Variants in ASCC3 observed in about 807,000 individuals in gnomAD.
ASCC3 encodes activating signal cointegrator 1 complex subunit 3, also known as ASC-1 complex subunit P200.
Under a neutral mutation model 256.3 loss-of-function variants are expected in ASCC3, and 158 were observed. The observed-to-expected ratio is 0.62, with a 90% confidence interval of 0.54 to 0.70. The LOEUF is 0.70. Ranked by LOEUF, ASCC3 falls within the 30% of genes least tolerant of loss-of-function variation. ASCC3 has a pLI of 0.00. For missense variants in ASCC3, 2,259 were observed against 2,626.0 expected (o/e 0.86, Z 3.05); for synonymous variants, 948 against 883.4 (o/e 1.07, Z -1.30).
intron 27 of ASCC3, 78 bp downstream of exon 27, chr6:100,628,936 AT>A: frequency 8.0e-7 from 1 of 1,247,198 alleles, no homozygotes; most frequent in Non-Finnish European, 1.1e-6. Flanking sequence ...TAAATATTAC[AT>A]GCAAATTAAA....
At chr6:100,525,081 G>A (rs1582387189) in intron 37 of ASCC3, among the ~76,000 whole-genome samples, 1 of 143,324 alleles carries the variant, frequency 7.0e-6, no homozygotes, top group Non-Finnish European at 1.5e-5. Flanking sequence ...TGGAGCCTGA[G>A]GTGGAAGGAT....
chr6:100,526,014 A>G (rs1469491521), intron 37 of ASCC3, among the ~76,000 whole-genome samples: 2 of 152,120 alleles, frequency 1.3e-5, no homozygotes, highest in African/African-American at 4.8e-5. Context: ...TAATGATACA[A>G]TATTTTGTCA....
At chr6:100,869,309 T>C (rs1314744398) in intron 1 of ASCC3, among the ~76,000 whole-genome samples, 1 of 152,232 alleles carries the variant, frequency 6.6e-6, no homozygotes, top group Non-Finnish European at 1.5e-5. Context: ...ATACAGAATG[T>C]CTCAGACTAT....
intron 36 of ASCC3, among the ~76,000 whole-genome samples, chr6:100,552,620 A>G (rs1410049093): frequency 6.6e-6 from 1 of 152,038 alleles, no homozygotes; most frequent in Non-Finnish European, 1.5e-5. Context: ...ACAAAAGTAC[A>G]TCAATGTGTG....
chr6:100,826,800 A>G (rs1771335843), intron 4 of ASCC3, among the ~76,000 whole-genome samples: 1 of 152,198 alleles, frequency 6.6e-6, no homozygotes, highest in South Asian at 2.1e-4. Flanking sequence ...AGGTTTTTTC[A>G]ATCAACTACT....
intron 3 of ASCC3, among the ~76,000 whole-genome samples, chr6:100,860,201 G>A (rs1368474534): frequency 6.6e-6 from 1 of 151,852 alleles, no homozygotes; most frequent in East Asian, 1.9e-4. Context: ...AAAATATACT[G>A]ACAAAGTTTC....
intron 8 of ASCC3, among the ~76,000 whole-genome samples, chr6:100,789,961 G>C (rs1421193488): frequency 6.6e-6 from 1 of 151,886 alleles, no homozygotes; most frequent in African/African-American, 2.4e-5. Context: ...TAACCACTTT[G>C]ATATTTGCAC....
intron 10 of ASCC3, among the ~76,000 whole-genome samples, chr6:100,744,989 T>C (rs1308575483): frequency 6.6e-6 from 1 of 152,022 alleles, no homozygotes; most frequent in African/African-American, 2.4e-5. Context: ...AACAATTGGC[T>C]TTTTTCTGAA....
At chr6:100,584,361 T>C (rs1771515700) in intron 36 of ASCC3, among the ~76,000 whole-genome samples, 1 of 151,750 alleles carries the variant, frequency 6.6e-6, no homozygotes, top group Admixed American at 6.7e-5. Flanking sequence ...TTGTGTCTTT[T>C]GATCTTTGTT....
intron 3 of ASCC3, among the ~76,000 whole-genome samples, chr6:100,849,101 T>TA (rs966587752): frequency 1.5e-4 from 23 of 151,728 alleles, no homozygotes; most frequent in Non-Finnish European, 2.2e-4. Flanking sequence ...TGAGACCTTG[T>TA]AAAAAAAACA....
At chr6:100,850,841 A>G (rs972654418) in intron 3 of ASCC3, among the ~76,000 whole-genome samples, 4 of 152,184 alleles carry the variant, frequency 2.6e-5, no homozygotes, top group Admixed American at 2.6e-4. Context: ...CATTTTACTT[A>G]TAACTTGTAA....
At chr6:100,685,034 C>T (rs1487773019) in intron 13 of ASCC3, among the ~76,000 whole-genome samples, 1 of 151,982 alleles carries the variant, frequency 6.6e-6, no homozygotes, top group African/African-American at 2.4e-5. Flanking sequence ...GTCTCGATCT[C>T]CTGACCTCGT....
chr6:100,655,050 C>T (rs912035253), intron 17 of ASCC3, among the ~76,000 whole-genome samples: 3 of 151,748 alleles, frequency 2.0e-5, no homozygotes, highest in African/African-American at 7.2e-5. Context: ...TTTCATTAGA[C>T]AACAACTGGA....
At chr6:100,590,369 C>T (rs556079110) in intron 34 of ASCC3, among the ~76,000 whole-genome samples, 2 of 152,136 alleles carry the variant, frequency 1.3e-5, no homozygotes, top group African/African-American at 4.8e-5. Context: ...AAGTCCAGCT[C>T]TGTATATTTT....
Position 100,823,248 on chromosome 6 carries a change from C to A in ASCC3, c.802-17368G>T, listed in dbSNP as rs577101231. On this transcript the variant is annotated intron_variant, in intron 4 of 41. Transcript: ENST00000369162. ...AGATTTGCACTACAAACTAATTTGG[C>A]AGTCAGAGTGACTGTTCATAAAAGT... is the stretch of plus-strand genomic sequence containing the variant. 3.9e-5 allele frequency among the ~76,000 whole-genome samples: 6 copies of A among 152,272 alleles called. No individual in the cohort carries two copies. In the South Asian group the frequency reaches 8.3e-4, roughly 21 times the overall value.
intron 10 of ASCC3, among the ~76,000 whole-genome samples, chr6:100,742,953 T>C (rs1780504416): frequency 6.6e-6 from 1 of 152,150 alleles, no homozygotes; most frequent in Non-Finnish European, 1.5e-5. Flanking sequence ...CAGGTGGACC[T>C]CTCTCGCCTT....
At chr6:100,796,639 A>C (rs78157824) in intron 8 of ASCC3, among the ~76,000 whole-genome samples, 5,729 of 152,184 alleles carry the variant, frequency 0.038, 357 homozygotes, top group African/African-American at 0.13. Context: ...AAACACAGGA[A>C]GAAGGCAGAA....
chr6:100,870,403 G>T (rs1450121502), intron 1 of ASCC3, among the ~76,000 whole-genome samples: 2 of 151,710 alleles, frequency 1.3e-5, no homozygotes, highest in Non-Finnish European at 2.9e-5. Flanking sequence ...CGCAGTCTCT[G>T]CCATACATTC....
At chr6:100,772,843 G>A (rs1033427279) in intron 8 of ASCC3, among the ~76,000 whole-genome samples, 2 of 152,126 alleles carry the variant, frequency 1.3e-5, no homozygotes, top group African/African-American at 2.4e-5. Flanking sequence ...AGGTAATACT[G>A]CAAGTATGAC....
Sources: allele counts gnomAD v4.1 joint callset (sites outside exome capture counted in the v4.1 genomes callset), GRCh38; gene constraint gnomAD v4.1.1; transcripts MANE v1.5; gene names NCBI Gene and HGNC (gene_info 2026-07-23, HGNC 2026-07-21).